Variants in CAMK2D observed in about 807,000 individuals in gnomAD.
CAMK2D encodes calcium/calmodulin dependent protein kinase II delta, also known as calcium/calmodulin-dependent protein kinase type II subunit delta.
In CAMK2D, 37 loss-of-function variants were observed where a neutral mutation model predicts 84.0. That is an observed-to-expected ratio of 0.44 (90% CI 0.34 to 0.58). The LOEUF is 0.58. CAMK2D is among the 20% of genes least tolerant of loss of function. The probability of loss-of-function intolerance (pLI) is 0.02; values close to 1 mark genes in which losing one functional copy is unlikely to be tolerated. For synonymous variants in CAMK2D, 202 were observed against 212.5 expected (o/e 0.95, Z 0.43); for missense variants, 448 against 652.5 (o/e 0.69, Z 3.41).
intron 2 of CAMK2D, among the ~76,000 whole-genome samples, chr4:113,736,503 G>A (rs1473259812): frequency 6.6e-6 from 1 of 152,116 alleles, no homozygotes; most frequent in Non-Finnish European, 1.5e-5. Flanking sequence ...TTTAAATTGA[G>A]TGAAACAAAG....
chr4:113,690,318 T>C (rs780320184), intron 2 of CAMK2D, among the ~76,000 whole-genome samples: 4 of 152,124 alleles, frequency 2.6e-5, no homozygotes, highest in Non-Finnish European at 5.9e-5. Context: ...CTTCTACTAC[T>C]CGGACCAATA....
intron 5 of CAMK2D, among the ~76,000 whole-genome samples, chr4:113,549,245 A>C (rs1366270677): frequency 1.3e-5 from 2 of 152,238 alleles, no homozygotes; most frequent in Non-Finnish European, 2.9e-5. Flanking sequence ...TCGCCTTAGA[A>C]GCGTTGCTTT....
intron 2 of CAMK2D, among the ~76,000 whole-genome samples, chr4:113,686,863 C>G (rs977985076): frequency 5.1e-5 from 3 of 58,640 alleles, no homozygotes; most frequent in Non-Finnish European, 1.0e-4. Context: ...TATGTGTATA[C>G]ACACACACAC....
intron 5 of CAMK2D, among the ~76,000 whole-genome samples, chr4:113,548,457 C>G (rs942287209): frequency 6.6e-6 from 1 of 152,162 alleles, no homozygotes; most frequent in African/African-American, 2.4e-5. Flanking sequence ...TAGTATTCTT[C>G]CCTTTTTGCT....
At chr4:113,493,594 CTT>C (rs1318226679) in intron 16 of CAMK2D, among the ~76,000 whole-genome samples, 1 of 151,766 alleles carries the variant, frequency 6.6e-6, no homozygotes. Flanking sequence ...TTCATTTCAA[CTT>C]TGGTGAATCT....
In CAMK2D at chr4:113,621,514, G is replaced by A. The variant is rs78398996; in HGVS notation, c.221-12308C>T. On this transcript the variant is annotated intron_variant, in intron 3 of 20. Coordinates refer to ENST00000511664, the MANE Select transcript of CAMK2D (RefSeq NM_001321571.2). ...CAAGATTCTTGGAAAATATATTTAC[G>A]TCTATATTCTTGACTAGAGTCTTCA... Among the ~76,000 whole-genome samples the A allele has an allele frequency of 5.7e-3, 860 of 152,146 alleles. 30 individuals are homozygous for A. In the East Asian group the frequency reaches 0.11, roughly 20 times the overall value.
chr4:113,675,047 T>C (rs1302774108), intron 2 of CAMK2D, among the ~76,000 whole-genome samples: 1 of 152,198 alleles, frequency 6.6e-6, no homozygotes, highest in Non-Finnish European at 1.5e-5. Flanking sequence ...ATATTCCATC[T>C]TTGACAACTT....
At chr4:113,580,289 G>A (rs538909197) in intron 4 of CAMK2D, among the ~76,000 whole-genome samples, 2 of 152,206 alleles carry the variant, frequency 1.3e-5, no homozygotes, top group South Asian at 2.1e-4. Context: ...CACAGTTGCT[G>A]AGTGTTCTCA....
chr4:113,523,669 G>A (rs921546270), intron 8 of CAMK2D, among the ~76,000 whole-genome samples: 1 of 152,010 alleles, frequency 6.6e-6, no homozygotes, highest in African/African-American at 2.4e-5. Context: ...CTACAGGGGA[G>A]GCTAAGGCAG....
At chr4:113,519,798 G>A (rs993256186) in intron 8 of CAMK2D, among the ~76,000 whole-genome samples, 11 of 152,202 alleles carry the variant, frequency 7.2e-5, no homozygotes, top group African/African-American at 2.6e-4. Flanking sequence ...TTTAATCCTT[G>A]TATAATGCTA....
At chr4:113,481,522 C>T (rs2154129242) in intron 16 of CAMK2D, among the ~76,000 whole-genome samples, 1 of 152,194 alleles carries the variant, frequency 6.6e-6, no homozygotes, top group East Asian at 1.9e-4. Context: ...CTCTGCTGCC[C>T]AGGCTGGAGT....
At chr4:113,726,909 T>C (rs72899843) in intron 2 of CAMK2D, among the ~76,000 whole-genome samples, 2,768 of 152,260 alleles carry the variant, frequency 0.018, 94 homozygotes, top group African/African-American at 0.063. Context: ...CTCCTCTTAA[T>C]ATAAGGAAGT....
chr4:113,477,771 G>A (rs1467405702), intron 16 of CAMK2D, among the ~76,000 whole-genome samples: 1 of 151,506 alleles, frequency 6.6e-6, no homozygotes, highest in Non-Finnish European at 1.5e-5. Flanking sequence ...AGAATATTGG[G>A]GCCCAGTTTT....
At chr4:113,537,302 G>T (rs2098500189) in intron 7 of CAMK2D, 39 bp downstream of exon 7, 1 of 1,045,666 alleles carries the variant, frequency 9.6e-7, no homozygotes, top group Non-Finnish European at 1.5e-6. Flanking sequence ...TCAGAAGCCA[G>T]AAGACTATAG....
At position 113,610,974 on chromosome 4, in the gene CAMK2D, A is replaced by G. The variant is rs542720883; in HGVS notation, c.221-1768T>C. Among the ~76,000 whole-genome samples, 16 of 152,048 alleles carry G rather than the reference A, an allele frequency of 1.1e-4. No individual in the cohort carries two copies. The South Asian group carries it at 3.3e-3, about 32-fold the overall frequency. ...ATGGTCTTTCATCAAATTGTTTTTG[A>G]GCATTTACTATAGAAGGTTTTGGGA... On this transcript the variant is annotated intron_variant, in intron 3 of 20. Coordinates refer to ENST00000511664, the MANE Select transcript of CAMK2D (RefSeq NM_001321571.2).
chr4:113,478,112 A>G (rs1417611549), intron 16 of CAMK2D, among the ~76,000 whole-genome samples: 2 of 152,192 alleles, frequency 1.3e-5, no homozygotes, highest in Non-Finnish European at 2.9e-5. Flanking sequence ...TTTACATTAA[A>G]AAAAAACTGG....
chr4:113,527,825 A>G (rs1259929792), intron 8 of CAMK2D, among the ~76,000 whole-genome samples: 2 of 152,218 alleles, frequency 1.3e-5, no homozygotes, highest in African/African-American at 4.8e-5. Context: ...ATATTTACAG[A>G]TATACAATGT....
chr4:113,576,564 AAACAT>A (rs1366705952), intron 4 of CAMK2D, among the ~76,000 whole-genome samples: 3 of 152,110 alleles, frequency 2.0e-5, no homozygotes, highest in African/African-American at 7.2e-5. Context: ...CAGACGATAG[AAACAT>A]ACACATTAAA....
At chr4:113,494,425 G>T (rs1442133717) in intron 16 of CAMK2D, among the ~76,000 whole-genome samples, 1 of 152,110 alleles carries the variant, frequency 6.6e-6, no homozygotes, top group Non-Finnish European at 1.5e-5. Context: ...TGCCCCTGCT[G>T]GGGGGTGCCT....
Sources: gnomAD v4.1 joint callset for allele counts (sites outside exome capture counted in the v4.1 genomes callset) on GRCh38, gnomAD v4.1.1 for gene constraint, MANE v1.5 for transcripts, NCBI Gene and HGNC (gene_info 2026-07-23, HGNC 2026-07-21) for gene names.